CNTN5: variants seen among roughly 807,000 people sequenced by gnomAD.
CNTN5 encodes contactin-5.
Under a neutral mutation model 129.1 loss-of-function variants are expected in CNTN5, and 77 were observed. That is an observed-to-expected ratio of 0.60 (90% CI 0.50 to 0.72). CNTN5 has a LOEUF of 0.72. Ranked by LOEUF, CNTN5 falls within the 30% of genes least tolerant of loss-of-function variation. The probability of loss-of-function intolerance (pLI) is 0.00; values close to 1 mark genes in which losing one functional copy is unlikely to be tolerated. For missense variants in CNTN5, 1,478 were observed against 1,328.8 expected (o/e 1.11, Z -1.75); for synonymous variants, 509 against 465.6 (o/e 1.09, Z -1.20).
At chr11:100,213,213 T>A (rs1027888280) in intron 15 of CNTN5, among the ~76,000 whole-genome samples, 2 of 152,146 alleles carry the variant, frequency 1.3e-5, no homozygotes, top group Non-Finnish European at 2.9e-5. Flanking sequence ...CCTATCAATA[T>A]GAAATCTTGG....
chr11:100,250,540 A>G (rs1949943766), intron 16 of CNTN5, among the ~76,000 whole-genome samples: 1 of 152,082 alleles, frequency 6.6e-6, no homozygotes, highest in Admixed American at 6.6e-5. Context: ...AGAATTTAGA[A>G]TTTAAACATT....
At chr11:99,931,309 C>T (rs1950187115) in intron 7 of CNTN5, among the ~76,000 whole-genome samples, 1 of 152,098 alleles carries the variant, frequency 6.6e-6, no homozygotes, top group Non-Finnish European at 1.5e-5. Flanking sequence ...TTTAAACTAT[C>T]TGACAAAACT....
At chr11:99,218,686 C>T (rs1183500453) in intron 1 of CNTN5, among the ~76,000 whole-genome samples, 1 of 152,096 alleles carries the variant, frequency 6.6e-6, no homozygotes, top group Non-Finnish European at 1.5e-5. Context: ...CTATTTTACT[C>T]TTCTGTAGTA....
chr11:100,026,897 A>G (rs1941449696), intron 9 of CNTN5, among the ~76,000 whole-genome samples: 1 of 152,154 alleles, frequency 6.6e-6, no homozygotes, highest in South Asian at 2.1e-4. Flanking sequence ...CAACATATCA[A>G]TTTGTTTTTT....
In CNTN5 at chr11:99,135,034, G is replaced by A. The variant is rs187446550; in HGVS notation, c.-210+113764G>A. Among the ~76,000 whole-genome samples, 36 of 152,140 alleles carry A rather than the reference G, an allele frequency of 2.4e-4. No homozygotes were observed. In the South Asian group the frequency reaches 6.6e-3, roughly 28 times the overall value. On this transcript the variant is annotated intron_variant, in intron 1 of 24. Coordinates refer to ENST00000524871, the MANE Select transcript of CNTN5 (RefSeq NM_014361.4). Reference sequence around the variant, plus strand: ...TGATGAACATTTATTCCACTTCCACGTAGAACACTATAATATAAGCCTTGC... The same window carrying A: ...TGATGAACATTTATTCCACTTCCACATAGAACACTATAATATAAGCCTTGC...
intron 2 of CNTN5, among the ~76,000 whole-genome samples, chr11:99,340,036 A>T (rs954841151): frequency 2.0e-5 from 3 of 152,174 alleles, no homozygotes; most frequent in African/African-American, 7.2e-5. Flanking sequence ...TTTACATTTT[A>T]AGCAATTATT....
At chr11:100,161,830 T>TACACACAC (rs71050053) in intron 13 of CNTN5, among the ~76,000 whole-genome samples, 16,140 of 125,578 alleles carry the variant, frequency 0.13, 1,150 homozygotes, top group Non-Finnish European at 0.15. Flanking sequence ...TGGAGCTTCC[T>TACACACAC]ACACACACAC....
chr11:100,258,583 G>T (rs1222406904), intron 17 of CNTN5, among the ~76,000 whole-genome samples: 1 of 152,172 alleles, frequency 6.6e-6, no homozygotes, highest in Non-Finnish European at 1.5e-5. Context: ...GACTAACAGT[G>T]GATCTCTCAG....
chr11:100,164,385 T>C (rs1167827679), intron 13 of CNTN5, among the ~76,000 whole-genome samples: 4 of 151,792 alleles, frequency 2.6e-5, no homozygotes, highest in African/African-American at 7.2e-5. Context: ...AATACAATCT[T>C]ATTAAAAGAG....
Position 100,293,340 on chromosome 11 carries a change from C to T in CNTN5, c.2315-4285C>T, listed in dbSNP as rs548888083. On this transcript the variant is annotated intron_variant, in intron 18 of 24. Transcript: ENST00000524871. ...ATCCTAGCAATCTCTTTCAGAAATT[C>T]AAATAGGTATTTTGCCTAGATTTCC... Among the ~76,000 whole-genome samples the T allele has an allele frequency of 1.1e-4, 16 of 151,722 alleles. No homozygotes were observed. In the East Asian group the frequency reaches 1.4e-3, roughly 13 times the overall value.
At chr11:99,703,059 A>G (rs1217157676) in intron 3 of CNTN5, among the ~76,000 whole-genome samples, 7 of 150,918 alleles carry the variant, frequency 4.6e-5, no homozygotes, top group African/African-American at 9.7e-5. Flanking sequence ...TTTTTCTTCT[A>G]TATAATAAAT....
At chr11:99,529,241 C>T (rs1386237559) in intron 2 of CNTN5, among the ~76,000 whole-genome samples, 3 of 152,174 alleles carry the variant, frequency 2.0e-5, no homozygotes, top group Non-Finnish European at 4.4e-5. Flanking sequence ...CAGGTTCGCA[C>T]ACTAGTCTCC....
intron 1 of CNTN5, among the ~76,000 whole-genome samples, chr11:99,224,184 C>G (rs1196374545): frequency 6.6e-6 from 1 of 150,750 alleles, no homozygotes; most frequent in Non-Finnish European, 1.5e-5. Context: ...CATAATTTAG[C>G]TGAGAGAGCT....
intron 1 of CNTN5, among the ~76,000 whole-genome samples, chr11:99,045,073 A>C (rs1316021613): frequency 6.6e-6 from 1 of 152,214 alleles, no homozygotes; most frequent in Non-Finnish European, 1.5e-5. Context: ...ACACTAAATA[A>C]GTATTAGTAA....
chr11:99,061,927 G>A (rs551058464), intron 1 of CNTN5, among the ~76,000 whole-genome samples: 12 of 151,918 alleles, frequency 7.9e-5, no homozygotes, highest in African/African-American at 2.9e-4. Context: ...AGGAGTTCGA[G>A]GTTACAGTGA....
chr11:100,327,879 A>G (rs1408479338), intron 21 of CNTN5, among the ~76,000 whole-genome samples: 1 of 152,214 alleles, frequency 6.6e-6, no homozygotes, highest in African/African-American at 2.4e-5. Flanking sequence ...TAGAAAGACA[A>G]AATTACTCTC....
chr11:100,274,173 A>G, intron 18 of CNTN5, among the ~76,000 whole-genome samples: 1 of 152,234 alleles, frequency 6.6e-6, no homozygotes, highest in South Asian at 2.1e-4. Context: ...AGCCATATGC[A>G]GAAGATTGAA....
chr11:100,302,732 T>C (rs567288079), intron 20 of CNTN5, among the ~76,000 whole-genome samples: 1 of 151,712 alleles, frequency 6.6e-6, no homozygotes, highest in South Asian at 2.1e-4. Flanking sequence ...TATTTCCCAA[T>C]GGAACATGGA....
Position 100,350,140 on chromosome 11 carries a change from GT to G in CNTN5, c.3031-559del, listed in dbSNP as rs1441188433. Among the ~76,000 whole-genome samples the G allele has an allele frequency of 9.9e-5, 15 of 151,880 alleles. No homozygotes were observed. In the South Asian group the frequency reaches 1.5e-3, roughly 15 times the overall value. On this transcript the variant is annotated intron_variant, in intron 23 of 24. Transcript: ENST00000524871. ...AAAAATAAAATTTTCACTTTCAACT[GT>G]TTCCTACATTGTTAAGGATTTATTA...
Sources: gnomAD v4.1 joint callset for allele counts (sites outside exome capture counted in the v4.1 genomes callset) on GRCh38, gnomAD v4.1.1 for gene constraint, MANE v1.5 for transcripts, NCBI Gene and HGNC (gene_info 2026-07-23, HGNC 2026-07-21) for gene names.